The following CALB2 variants were observed in gnomAD, a reference collection of about 807,000 sequenced individuals.
CALB2 encodes calretinin.
A neutral mutation model predicts 45.9 loss-of-function variants in CALB2; 34 were observed. That is an observed-to-expected ratio of 0.74 (90% confidence interval 0.56 to 0.99). CALB2 has a LOEUF of 0.99. Ranked by LOEUF, CALB2 falls within the 50% of genes least tolerant of loss-of-function variation. The pLI is 0.00. For missense variants in CALB2, 344 were observed against 339.3 expected (o/e 1.01, Z -0.11); for synonymous variants, 142 against 129.6 (o/e 1.10, Z -0.65).
rs2144996307 is a variant in CALB2, at chr16:71,382,837, A to AG, written c.399+65dup. On this transcript the variant is annotated intron_variant, in intron 5 of 10. Coordinates refer to ENST00000302628, the MANE Select transcript of CALB2 (RefSeq NM_001740.5). Reference sequence around the variant, plus strand: ...GGCGGTGGGCTTAAGGTGCCTGAGGAGGGAGGAGATGTTGGATGAGGGGCA... The same window carrying AG: ...GGCGGTGGGCTTAAGGTGCCTGAGGAGGGGAGGAGATGTTGGATGAGGGGCA... 1.6e-5 allele frequency: 24 copies of AG among 1,454,862 alleles called. No homozygotes were observed. The South Asian group carries it at 2.6e-4, about 16-fold the overall frequency. The allele number at this position is 1,454,862 out of a possible 1,614,324, so 90.1% of individuals were successfully genotyped here. A position where few individuals can be genotyped will look rare whatever the true frequency, so the allele number is the denominator to read the frequency against.
intron 1 of CALB2, among the ~76,000 whole-genome samples, chr16:71,369,719 C>G (rs1296966422): frequency 6.6e-6 from 1 of 152,162 alleles, no homozygotes; most frequent in Non-Finnish European, 1.5e-5. Flanking sequence ...CTGGAAGCTG[C>G]AGATGCACCC....
intron 4 of CALB2, among the ~76,000 whole-genome samples, chr16:71,381,213 A>T (rs1257800405): frequency 6.6e-6 from 1 of 152,192 alleles, no homozygotes; most frequent in Non-Finnish European, 1.5e-5. Context: ...GTTGTTGGTG[A>T]AGTCATATTT....
At chr16:71,379,864 G>A (rs2042466454) in intron 4 of CALB2, among the ~76,000 whole-genome samples, 1 of 152,160 alleles carries the variant, frequency 6.6e-6, no homozygotes, top group Non-Finnish European at 1.5e-5. Flanking sequence ...ATCAGAGATG[G>A]ATTTAATTTT....
intron 1 of CALB2, among the ~76,000 whole-genome samples, chr16:71,369,369 A>C (rs1422333376): frequency 6.6e-6 from 1 of 152,180 alleles, no homozygotes; most frequent in African/African-American, 2.4e-5. Flanking sequence ...TCGGTGCCTC[A>C]GCAAGAAAGG....
chr16:71,361,253 G>A (rs532847269), intron 1 of CALB2, among the ~76,000 whole-genome samples: 1 of 152,294 alleles, frequency 6.6e-6, no homozygotes, highest in Admixed American at 6.5e-5. Flanking sequence ...AGGGCCATGA[G>A]GATTAAAATA....
At chr16:71,383,237 G>A in intron 5 of CALB2, 130 bp from the exon 6 acceptor site, 1 of 852,810 alleles carries the variant, frequency 1.2e-6, no homozygotes, top group Non-Finnish European at 1.9e-6. Flanking sequence ...AGGGCCCTGA[G>A]TCATAGAACT....
chr16:71,376,973 C>T lies in CALB2; in HGVS notation c.262-694C>T, dbSNP rs2042423873. 2.6e-5 allele frequency among the ~76,000 whole-genome samples: 4 copies of T among 152,270 alleles called. No homozygotes were observed. In the South Asian group the frequency reaches 6.2e-4, roughly 24 times the overall value. ...CATTGCATTGGGCAAAACTGGGTCA[C>T]GTGCCTACCTGTAAGCCAATCACTG... On this transcript the variant is annotated intron_variant, in intron 3 of 10. Coordinates refer to ENST00000302628, the MANE Select transcript of CALB2 (RefSeq NM_001740.5).
At chr16:71,384,652 C>CAACA (rs2042546534) in intron 8 of CALB2, 131 bp from the exon 9 acceptor site, 1 of 4,746 alleles carries the variant, frequency 2.1e-4, no homozygotes, top group Non-Finnish European at 3.6e-4. Context: ...ACCACACAGA[C>CAACA]CACACACCAC....
intron 1 of CALB2, among the ~76,000 whole-genome samples, chr16:71,362,592 T>C (rs1421546071): frequency 6.6e-6 from 1 of 152,166 alleles, no homozygotes; most frequent in Non-Finnish European, 1.5e-5. Context: ...TATGATGGAG[T>C]ATGATAGAGC....
intron 3 of CALB2, 76 bp from the exon 4 acceptor site, chr16:71,377,591 C>T: frequency 9.7e-7 from 1 of 1,027,224 alleles, no homozygotes; most frequent in South Asian, 1.4e-5. Context: ...CCTTTCCATC[C>T]TTCTTAGGGG....
intron 4 of CALB2, among the ~76,000 whole-genome samples, chr16:71,378,668 G>A (rs2042445752): frequency 6.6e-6 from 1 of 152,254 alleles, no homozygotes; most frequent in Non-Finnish European, 1.5e-5. Flanking sequence ...TGAGAAGTAA[G>A]CTTGGGTCAA....
chr16:71,370,999 C>T (rs2042344231), intron 1 of CALB2, among the ~76,000 whole-genome samples: 1 of 152,208 alleles, frequency 6.6e-6, no homozygotes, highest in South Asian at 2.1e-4. Flanking sequence ...GCACTTTTCC[C>T]ACAGATTCAT....
chr16:71,382,716 C>A lies in CALB2; in HGVS notation c.343-3C>A, dbSNP rs754591244. The A allele has an allele frequency of 6.2e-7, 1 of 1,610,820 alleles. No homozygotes were observed. The highest frequency in any genetic ancestry group is 8.5e-7 in the Non-Finnish European group (1 of 1,178,764). On this transcript the variant is annotated splice_region_variant and splice_polypyrimidine_tract_variant and intron_variant, in intron 4 of 10. Coordinates refer to ENST00000302628, the MANE Select transcript of CALB2 (RefSeq NM_001740.5). ...AAAGAGGTTGACATTCCTGTTGTTG[C>A]AGGCTTGGCGGAAGTACGACACAGA...
At chr16:71,369,921 C>T (rs1026204340) in intron 1 of CALB2, among the ~76,000 whole-genome samples, 1 of 152,142 alleles carries the variant, frequency 6.6e-6, no homozygotes, top group Admixed American at 6.5e-5. Flanking sequence ...TAGACGATGT[C>T]TTTTTGCCTA....
chr16:71,377,701 T>C lies in CALB2; in HGVS notation c.296T>C (p.Leu99Pro). ...ATCCTGCCAACCGAAGAGAACTTCC[T>C]TCTGTGCTTCAGGCAGCACGTGGGC... is the stretch of plus-strand genomic sequence containing the variant. ...AQILPTEENF[L>P]LCFRQHVGSS... Residue 99 changes from leucine to proline, a missense_variant, in exon 4 of 11, where the codon CTT (leucine) becomes CCT (proline). Transcript: ENST00000302628. The C allele has an allele frequency of 6.2e-7, 1 of 1,614,074 alleles. No individual in the cohort carries two copies. The highest frequency in any genetic ancestry group is 1.1e-5 in the South Asian group (1 of 91,078).
chr16:71,382,265 C>G (rs1030524852), intron 4 of CALB2, among the ~76,000 whole-genome samples: 1 of 152,170 alleles, frequency 6.6e-6, no homozygotes, highest in Admixed American at 6.5e-5. Context: ...CATCTTTGCC[C>G]CAGATGTGGG....
intron 1 of CALB2, among the ~76,000 whole-genome samples, chr16:71,365,231 GCTTAACGAGGAAATTC>G (rs780324602): frequency 3.3e-5 from 5 of 152,320 alleles, no homozygotes; most frequent in Admixed American, 6.5e-5. Flanking sequence ...TTCTGGTGCA[GCTTAACGAGGAAATTC>G]CTTAACGAGG....
intron 1 of CALB2, among the ~76,000 whole-genome samples, chr16:71,369,751 C>T (rs1205803015): frequency 7.3e-6 from 1 of 136,968 alleles, no homozygotes; most frequent in Non-Finnish European, 1.6e-5. Context: ...CAGCTTTCCA[C>T]CTCCCCGTCT....
At chr16:71,364,125 C>T (rs912517266) in intron 1 of CALB2, among the ~76,000 whole-genome samples, 1 of 152,210 alleles carries the variant, frequency 6.6e-6, no homozygotes, top group Non-Finnish European at 1.5e-5. Flanking sequence ...CGCTGGGTAC[C>T]TCCAGGTGGG....
Sources: allele counts gnomAD v4.1 joint callset (sites outside exome capture counted in the v4.1 genomes callset), GRCh38; gene constraint gnomAD v4.1.1; transcripts MANE v1.5; gene names NCBI Gene and HGNC (gene_info 2026-07-23, HGNC 2026-07-21).